Variants in FSCN1 observed in about 807,000 individuals in gnomAD.
FSCN1 encodes fascin actin-bundling protein 1, also known as fascin.
FSCN1 carries 10 observed loss-of-function variants against 39.7 expected under a neutral mutation model. That is an observed-to-expected ratio of 0.25 (90% CI 0.16 to 0.43). The LOEUF (loss-of-function observed/expected upper bound fraction) is 0.43. Among genes scored for constraint, FSCN1 ranks in the 20% least tolerant of loss-of-function variants. The pLI is 1.00. For missense variants in FSCN1, 525 were observed against 723.8 expected (o/e 0.73, Z 3.15); for synonymous variants, 322 against 320.0 (o/e 1.01, Z -0.07).
At chr7:5,595,215 T>TG (rs1446035362) in intron 1 of FSCN1, among the ~76,000 whole-genome samples, 3 of 152,032 alleles carry the variant, frequency 2.0e-5, no homozygotes, top group Non-Finnish European at 1.5e-5. Context: ...CCCATGGCAG[T>TG]GGGGGTGAGG....
chr7:5,596,229 A>G (rs1413045174), intron 1 of FSCN1, among the ~76,000 whole-genome samples: 1 of 152,030 alleles, frequency 6.6e-6, no homozygotes, highest in Admixed American at 6.5e-5. Context: ...CTTCCGACAC[A>G]CATGCTGGGG....
chr7:5,596,716 A>C (rs1170498361), intron 1 of FSCN1, among the ~76,000 whole-genome samples: 1 of 152,114 alleles, frequency 6.6e-6, no homozygotes, highest in Admixed American at 6.5e-5. Flanking sequence ...AGCCACTCTG[A>C]GGAGGGCTGA....
intron 1 of FSCN1, among the ~76,000 whole-genome samples, chr7:5,597,747 TAAAA>T (rs566357479): frequency 7.5e-6 from 1 of 133,940 alleles, no homozygotes; most frequent in Non-Finnish European, 1.6e-5. Flanking sequence ...AGAAAAAAGT[TAAAA>T]AAAAAAAAAA....
rs1415658393 is a variant in FSCN1 at position 5,605,607 on chromosome 7, A to G, written c.*133A>G. ...GCCTTTCAAACTGGAAACCCCAGAGAAAACGGTGCCCCCACCTGTCGCCCC... is the reference window on the plus strand; with the variant it reads ...GCCTTTCAAACTGGAAACCCCAGAGGAAACGGTGCCCCCACCTGTCGCCCC... On this transcript the variant is annotated 3_prime_UTR_variant, in exon 5 of 5. Coordinates refer to ENST00000382361, the MANE Select transcript of FSCN1 (RefSeq NM_003088.4). This position sits in a 1 kb window ranked among gnomAD's most constrained non-coding sequence, Gnocchi z 6.9. 11 of 683,544 alleles carry G rather than the reference A, an allele frequency of 1.6e-5. No homozygotes were observed. Among genetic ancestry groups the G allele is most frequent in the Non-Finnish European group, 2.7e-5 (11 of 413,196 alleles). The allele number at this position is 683,544 out of a possible 1,614,324, so 42.3% of individuals were successfully genotyped here. A position where few individuals can be genotyped will look rare whatever the true frequency, so the allele number is the denominator to read the frequency against.
chr7:5,605,570 GCAAGC>G lies in FSCN1; in HGVS notation c.*98_*102del. Reference sequence around the variant, plus strand: ...CGCCAGGTGGGCTCCAGGGCGGGAGGCAAGCCCCCTTGCCTTTCAAACTGGAAACC... The same window carrying G: ...CGCCAGGTGGGCTCCAGGGCGGGAGGCCCCTTGCCTTTCAAACTGGAAACC... On this transcript the variant is annotated 3_prime_UTR_variant, in exon 5 of 5. Coordinates refer to ENST00000382361, the MANE Select transcript of FSCN1 (RefSeq NM_003088.4). The surrounding 1 kb of genome is among the most constrained non-coding windows in gnomAD (Gnocchi z 6.9). The G allele has an allele frequency of 1.1e-6, 1 of 931,008 alleles. No individual in the cohort carries two copies. The highest frequency in any genetic ancestry group is 1.6e-6 in the Non-Finnish European group (1 of 631,924). 57.7% of individuals were successfully genotyped at this position (931,008 alleles called of 1,614,324 possible).
Position 5,592,968 on chromosome 7 carries a change from A to G in FSCN1, c.32A>G (p.Gln11Arg). The G allele has an allele frequency of 6.3e-7, 1 of 1,582,636 alleles. No homozygotes were observed. Among genetic ancestry groups the G allele is most frequent in the Non-Finnish European group, 8.6e-7 (1 of 1,164,276 alleles). The stretch of plus-strand genomic sequence containing the variant: ...GCCAACGGCACAGCCGAGGCGGTGC[A>G]GATCCAGTTCGGCCTCATCAACTGC... The part of the protein sequence containing the change: MTANGTAEAV[Q>R]IQFGLINCGN... Residue 11 changes from glutamine (Q) to arginine (R), a missense_variant, in exon 1 of 5, where the codon CAG becomes CGG. Gln to Arg is a conservative substitution (Grantham distance 43). Coordinates refer to ENST00000382361, the MANE Select transcript of FSCN1 (RefSeq NM_003088.4). The surrounding 1 kb of genome is among the most constrained non-coding windows in gnomAD (Gnocchi z 5.3).
Position 5,593,757 on chromosome 7 carries a change from C to G in FSCN1, c.821C>G (p.Ser274Cys). The G allele has an allele frequency of 6.3e-7, 1 of 1,579,214 alleles. No individual in the cohort carries two copies. Among genetic ancestry groups the G allele is most frequent in the Non-Finnish European group, 8.6e-7 (1 of 1,168,876 alleles). The change falls in exon 1 of 5, where the codon TCC becomes TGC. Residue 274 changes from serine (S) to cysteine (C), a missense_variant. By Grantham distance (112) the Ser-to-Cys change is moderately radical. Around this residue, in one of 3 missense-constraint regions of FSCN1, gnomAD observed 275 missense variants for 351.9 expected, o/e 0.78. Coordinates refer to ENST00000382361, the MANE Select transcript of FSCN1 (RefSeq NM_003088.4). ...VLQAANERNV[S>C]TRQGMDLSAN... ...CAGGCGGCCAACGAGAGGAACGTGT[C>G]CACGCGCCAGGGTGAGTGGGGACGC...
rs1785673541 is a variant in FSCN1, at chr7:5,593,617, G to A, written c.681G>A (p.Glu227=). 1 of 1,561,478 alleles carries A rather than the reference G, an allele frequency of 6.4e-7. No homozygotes were observed. Among genetic ancestry groups the A allele is most frequent in the African/African-American group, 1.4e-5 (1 of 73,486 alleles). The change falls in exon 1 of 5, where the codon GAG becomes GAA. Residue 227 remains glutamate, a synonymous_variant. Coordinates refer to ENST00000382361, the MANE Select transcript of FSCN1 (RefSeq NM_003088.4). The part of the protein sequence containing the change: ...RSGKVAFRDC[E]GRYLAPSGPS... Reference sequence around the variant, plus strand: ...GCAAGGTGGCCTTCCGCGACTGCGAGGGCCGTTACCTGGCGCCGTCGGGGC... The same window carrying A: ...GCAAGGTGGCCTTCCGCGACTGCGAAGGCCGTTACCTGGCGCCGTCGGGGC...
chr7:5,597,816 G>T (rs1785758265), intron 1 of FSCN1, among the ~76,000 whole-genome samples: 2 of 152,086 alleles, frequency 1.3e-5, no homozygotes, highest in Non-Finnish European at 2.9e-5. Flanking sequence ...GGGAGGACAG[G>T]CAGGGCTAGA....
At chr7:5,597,121 A>G (rs555928591) in intron 1 of FSCN1, among the ~76,000 whole-genome samples, 1 of 141,418 alleles carries the variant, frequency 7.1e-6, no homozygotes, top group Admixed American at 6.9e-5. Context: ...CAAGGAGGGA[A>G]GATGGCTTCG....
At chr7:5,597,597 G>T (rs1191142669) in intron 1 of FSCN1, among the ~76,000 whole-genome samples, 1 of 148,806 alleles carries the variant, frequency 6.7e-6, no homozygotes, top group East Asian at 2.0e-4. Context: ...AACCCGGGAG[G>T]CGGAAGTTGC....
At chr7:5,600,687 A>T (rs1242859463) in intron 1 of FSCN1, among the ~76,000 whole-genome samples, 12 of 130,120 alleles carry the variant, frequency 9.2e-5, no homozygotes, top group Admixed American at 4.7e-4. Flanking sequence ...AGAGTCTCGC[A>T]TTGTCGCCCA....
chr7:5,594,045 A>AC (rs758470979), intron 1 of FSCN1: 45,501 of 272,676 alleles, frequency 0.17, 1,476 homozygotes, highest in Middle Eastern at 0.22. Context: ...CACCCTCCTA[A>AC]CCCCCCCCCC....
At chr7:5,594,361 T>TGG (rs946650347) in intron 1 of FSCN1, among the ~76,000 whole-genome samples, 5 of 132,834 alleles carry the variant, frequency 3.8e-5, no homozygotes, top group South Asian at 2.6e-4. Context: ...CCTCCGCTGG[T>TGG]GGGGGGGGGC....
intron 1 of FSCN1, among the ~76,000 whole-genome samples, chr7:5,594,205 G>C (rs1182183973): frequency 1.3e-5 from 2 of 152,174 alleles, no homozygotes; most frequent in Admixed American, 6.5e-5. Context: ...GTCGCCACCC[G>C]CAAGGGCGCG....
Position 5,603,262 on chromosome 7 carries a change from G to C in FSCN1, c.838G>C (p.Asp280His). ...ERNVSTRQGMDLSANQDEETD... is the reference protein window; with the variant it reads ...ERNVSTRQGMHLSANQDEETD... ...CCAAGGCCTCCTCTCTGCAGGTATG[G>C]ACCTGTCTGCCAATCAGGACGAGGA... Residue 280 changes from aspartate to histidine, a missense_variant, in exon 2 of 5, where the codon GAC becomes CAC. Physicochemically the swap from Asp to His is moderately conservative, Grantham distance 81. This residue lies in a region of FSCN1 where 275 missense variants were observed against 351.9 expected (regional missense o/e 0.78). Transcript: ENST00000382361. The surrounding 1 kb of genome is among the most constrained non-coding windows in gnomAD (Gnocchi z 8.5). 6.2e-7 allele frequency: 1 copy of C among 1,611,888 alleles called. No homozygotes were observed. The highest frequency in any genetic ancestry group is 8.5e-7 in the Non-Finnish European group (1 of 1,179,924).
At chr7:5,595,383 G>C (rs1016626821) in intron 1 of FSCN1, among the ~76,000 whole-genome samples, 6 of 152,224 alleles carry the variant, frequency 3.9e-5, no homozygotes, top group Non-Finnish European at 8.8e-5. Flanking sequence ...CCCGTTTCCT[G>C]TTTCCCACAG....
intron 1 of FSCN1, among the ~76,000 whole-genome samples, chr7:5,601,900 G>A (rs533354495): frequency 3.9e-5 from 6 of 152,066 alleles, no homozygotes; most frequent in South Asian, 2.1e-4. Context: ...GGAAGGGGAC[G>A]TGTAGGACTT....
Position 5,596,441 on chromosome 7 carries a change from A to AG in FSCN1, c.832+2677dup, listed in dbSNP as rs1174720987. On this transcript the variant is annotated intron_variant, in intron 1 of 4. Transcript: ENST00000382361. ...GGGCTGGCCCAGAGCTGCCCTGGGC[A>AG]GGGGCTTTCAGCCCTTCACACCAGA... Among the ~76,000 whole-genome samples, 4 of 152,342 alleles carry AG rather than the reference A, an allele frequency of 2.6e-5. No individual in the cohort carries two copies. In the East Asian group the frequency reaches 7.7e-4, roughly 29 times the overall value.
Sources: allele counts gnomAD v4.1 joint callset (sites outside exome capture counted in the v4.1 genomes callset), GRCh38; gene constraint gnomAD v4.1.1; regional missense constraint gnomAD v4.1.1; non-coding constraint Gnocchi (gnomAD v3.1); transcripts MANE v1.5; gene names NCBI Gene and HGNC (gene_info 2026-07-23, HGNC 2026-07-21).